The following CCDC82 variants were observed in gnomAD, a reference collection of about 807,000 sequenced individuals.
The protein encoded by CCDC82 is coiled-coil domain-containing protein 82.
A neutral mutation model predicts 60.6 loss-of-function variants in CCDC82; 47 were observed. The ratio of observed to expected loss-of-function variants is 0.77; its 90% CI spans 0.61 to 0.99. The LOEUF (loss-of-function observed/expected upper bound fraction) is 0.99, where lower values mean the gene tolerates loss of function less well. Among genes scored for constraint, CCDC82 ranks in the 50% least tolerant of loss-of-function variants. The probability of loss-of-function intolerance (pLI) is 0.00; values close to 1 mark genes in which losing one functional copy is unlikely to be tolerated. For synonymous variants in CCDC82, 212 were observed against 207.4 expected (o/e 1.02, Z -0.19); for missense variants, 588 against 633.0 (o/e 0.93, Z 0.76).
intron 5 of CCDC82, among the ~76,000 whole-genome samples, chr11:96,376,194 A>G (rs930227994): frequency 2.0e-5 from 3 of 152,154 alleles, no homozygotes; most frequent in Admixed American, 2.0e-4. Flanking sequence ...ATCACATACT[A>G]ATTTCACATA....
chr11:96,385,215 G>A (rs1266629775), intron 3 of CCDC82: 1 of 152,608 alleles, frequency 6.6e-6, no homozygotes, highest in African/African-American at 2.4e-5. Context: ...GCATTCTGAA[G>A]GATTCATTGT....
intron 5 of CCDC82, among the ~76,000 whole-genome samples, chr11:96,374,958 G>T (rs546783633): frequency 6.6e-6 from 1 of 151,368 alleles, no homozygotes; most frequent in East Asian, 1.9e-4. Flanking sequence ...TAAATTTGGG[G>T]GACATGCAAA....
rs1158261390 is a variant in CCDC82, at chr11:96,373,460, A to T, written c.999T>A (p.Phe333Leu). 6.3e-7 allele frequency: 1 copy of T among 1,584,022 alleles called. No homozygotes were observed. The highest frequency in any genetic ancestry group is 2.2e-5 in the East Asian group (1 of 44,636). Reference protein sequence around the residue: ...KLVKQNSLYSFSDHYTHFERV... With the variant: ...KLVKQNSLYSLSDHYTHFERV... ...TTTCAAAATGAGTATAGTGGTCACT[A>T]AAAGAATCTGAAATTAATTTCAAAT... Residue 333 changes from phenylalanine (F) to leucine (L), a missense_variant, in exon 6 of 10, where the codon TTT (phenylalanine) becomes TTA (leucine). Physicochemically the swap from Phe to Leu is conservative, Grantham distance 22 (BLOSUM62 0). Transcript: ENST00000646818.
rs777442505 is a variant in CCDC82 at position 96,353,616 on chromosome 11, A to G, written c.*30T>C. 1.3e-6 allele frequency: 2 copies of G among 1,504,358 alleles called. No individual in the cohort carries two copies. The highest frequency in any genetic ancestry group is 1.8e-6 in the Non-Finnish European group (2 of 1,083,134). 93.2% of individuals were successfully genotyped at this position (1,504,358 alleles called of 1,614,324 possible). A position where few individuals can be genotyped will look rare whatever the true frequency, so the allele number is the denominator to read the frequency against. ...AATCATGATCTTCACATTTACAGGA[A>G]TTTAAAAAATCTTCTCTGATGGAAA... On this transcript the variant is annotated 3_prime_UTR_variant, in exon 10 of 10. Coordinates refer to ENST00000646818, the MANE Select transcript of CCDC82 (RefSeq NM_024725.4).
intron 7 of CCDC82, among the ~76,000 whole-genome samples, chr11:96,369,544 T>C (rs1865147000): frequency 6.6e-6 from 1 of 152,164 alleles, no homozygotes; most frequent in South Asian, 2.1e-4. Context: ...AAACAGCCAG[T>C]TGGTGGAGCA....
At chr11:96,389,631 G>C (rs926307570) in intron 1 of CCDC82, 4 of 152,580 alleles carry the variant, frequency 2.6e-5, no homozygotes, top group African/African-American at 7.2e-5. Flanking sequence ...CGGAAATAAC[G>C]GGCACCGCGC....
At chr11:96,375,769 A>G (rs1190660373) in intron 5 of CCDC82, among the ~76,000 whole-genome samples, 1 of 152,248 alleles carries the variant, frequency 6.6e-6, no homozygotes, top group African/African-American at 2.4e-5. Context: ...TAGATTTGAT[A>G]TATGTCACAA....
chr11:96,379,003 G>T (rs1865731304), intron 5 of CCDC82, among the ~76,000 whole-genome samples: 2 of 151,946 alleles, frequency 1.3e-5, no homozygotes, highest in African/African-American at 4.8e-5. Flanking sequence ...CAAGTACATG[G>T]ACTACTGATT....
At chr11:96,385,343 T>TA (rs1213434845) in intron 3 of CCDC82, 3 of 152,244 alleles carry the variant, frequency 2.0e-5, no homozygotes, top group South Asian at 2.1e-4. Context: ...TTAAAATGTA[T>TA]AAAAAAGAGT....
At chr11:96,363,443 C>T (rs977196381) in intron 8 of CCDC82, 26 of 152,322 alleles carry the variant, frequency 1.7e-4, no homozygotes, top group African/African-American at 6.3e-4. Context: ...ATCACACTCT[C>T]TTAACATACC....
chr11:96,362,076 C>A (rs1864691000), intron 8 of CCDC82, among the ~76,000 whole-genome samples: 1 of 152,146 alleles, frequency 6.6e-6, no homozygotes, highest in Non-Finnish European at 1.5e-5. Context: ...AAAATTGTCA[C>A]TGAATTTTGC....
At chr11:96,360,540 C>G (rs980530047) in intron 8 of CCDC82, among the ~76,000 whole-genome samples, 5 of 152,054 alleles carry the variant, frequency 3.3e-5, no homozygotes, top group African/African-American at 1.2e-4. Context: ...GAAAATGCAT[C>G]AGAAAGGGCT....
At chr11:96,379,706 A>G (rs1228906902) in intron 5 of CCDC82, among the ~76,000 whole-genome samples, 1 of 151,550 alleles carries the variant, frequency 6.6e-6, no homozygotes, top group African/African-American at 2.4e-5. Flanking sequence ...ACCACCCAAA[A>G]CTCCTTCATA....
chr11:96,371,015 T>C lies in CCDC82; in HGVS notation c.1207A>G (p.Lys403Glu). ...AGATTCAAAAACAAACTGTGTACCT[T>C]ATATTGCTCTTTCCAACGACTTCTA... The part of the protein sequence containing the change: ...VSRSRWKEQY[K>E]ERVENYSNVS... Residue 403 changes from lysine (K) to glutamate (E), a missense_variant and splice_region_variant, in exon 7 of 10, where the codon AAG becomes GAG. Transcript: ENST00000646818. 1 of 1,587,068 alleles carries C rather than the reference T, an allele frequency of 6.3e-7. No homozygotes were observed. Among genetic ancestry groups the C allele is most frequent in the South Asian group, 1.2e-5 (1 of 84,458 alleles).
chr11:96,383,348 C>G lies in CCDC82; in HGVS notation c.912G>C (p.Glu304Asp). 1 of 1,606,486 alleles carries G rather than the reference C, an allele frequency of 6.2e-7. No individual in the cohort carries two copies. The highest frequency in any genetic ancestry group is 2.2e-5 in the East Asian group (1 of 44,666). The change falls in exon 5 of 10, where the codon GAG becomes GAC. Residue 304 changes from glutamate (E) to aspartate (D), a missense_variant. By Grantham distance (45) the Glu-to-Asp change is conservative (BLOSUM62 2). Coordinates refer to ENST00000646818, the MANE Select transcript of CCDC82 (RefSeq NM_024725.4). The part of the protein sequence containing the change: ...IIDDFVVQDE[E>D]GDEENKNQQG... The stretch of plus-strand genomic sequence containing the variant: ...GTTGGTTTTTATTCTCTTCATCACC[C>G]TCCTCATCTTGCACTACAAAGTCAT...
chr11:96,359,861 G>A lies in CCDC82; in HGVS notation c.1381-683C>T, dbSNP rs1398451563. Among the ~76,000 whole-genome samples the A allele has an allele frequency of 1.3e-5, 2 of 150,498 alleles. 1 individual carries two copies. The highest frequency in any genetic ancestry group is 6.3e-3 in the Middle Eastern group (2 of 316). On this transcript the variant is annotated intron_variant, in intron 8 of 9. Coordinates refer to ENST00000646818, the MANE Select transcript of CCDC82 (RefSeq NM_024725.4). ...AAGTAAAAAAATAAATCTGTGTTTA[G>A]GCATACTGATTGCTTTACTTAAGGT...
chr11:96,383,508 T>C, intron 4 of CCDC82, 35 bp from the exon 5 acceptor site: 1 of 1,382,310 alleles, frequency 7.2e-7, no homozygotes. Flanking sequence ...CAGTAAATGG[T>C]GCTATTAAAA....
intron 6 of CCDC82, among the ~76,000 whole-genome samples, chr11:96,372,659 AAT>A (rs891637050): frequency 7.2e-4 from 104 of 145,430 alleles, no homozygotes; most frequent in African/African-American, 2.5e-3. Context: ...TATAAATATA[AAT>A]ATATATAAAC....
chr11:96,370,377 T>C (rs1485833461), intron 7 of CCDC82, among the ~76,000 whole-genome samples: 1 of 152,154 alleles, frequency 6.6e-6, no homozygotes, highest in Non-Finnish European at 1.5e-5. Flanking sequence ...AGATAACTGG[T>C]ACATGAAACA....
Sources: allele counts gnomAD v4.1 joint callset (sites outside exome capture counted in the v4.1 genomes callset), GRCh38; gene constraint gnomAD v4.1.1; transcripts MANE v1.5; gene names NCBI Gene and HGNC (gene_info 2026-07-23, HGNC 2026-07-21).